HECW2: variants seen among roughly 807,000 people sequenced by gnomAD.
HECW2 encodes the protein E3 ubiquitin-protein ligase HECW2.
HECW2 carries 61 observed loss-of-function variants against 175.2 expected under a neutral mutation model. The observed-to-expected ratio is 0.35, with a 90% CI of 0.28 to 0.43. HECW2 has a LOEUF of 0.43. HECW2 is among the 20% of genes least tolerant of loss of function. HECW2 has a pLI of 1.00. For missense variants in HECW2, 1,524 were observed against 2,000.5 expected (o/e 0.76, Z 4.54); for synonymous variants, 671 against 731.0 (o/e 0.92, Z 1.32).
chr2:196,350,775 G>A (rs574116328), intron 2 of HECW2, among the ~76,000 whole-genome samples: 67 of 152,326 alleles, frequency 4.4e-4, no homozygotes, highest in African/African-American at 1.5e-3. Flanking sequence ...AATGCAATGC[G>A]AAAATTACTA....
rs546330787 is a variant in HECW2 at position 196,505,854 on chromosome 2, T to A, written c.-35-72396A>T. Among the ~76,000 whole-genome samples, 77 of 152,328 alleles carry A rather than the reference T, an allele frequency of 5.1e-4. 1 individual carries two copies. The South Asian group carries it at 8.3e-3, about 16-fold the overall frequency. On this transcript the variant is annotated intron_variant, in intron 1 of 28. Transcript: ENST00000644978. ...ATAGACCAAGCACTGGAGCTATCAA[T>A]GTCAAAACAGATGAAGTCCCCCCAA...
At chr2:196,498,634 C>G (rs1177000314) in intron 1 of HECW2, among the ~76,000 whole-genome samples, 2 of 152,132 alleles carry the variant, frequency 1.3e-5, no homozygotes, top group African/African-American at 4.8e-5. Flanking sequence ...CCCCTCCTTG[C>G]TAGGGAACTG....
chr2:196,371,260 G>A (rs1559072712), intron 2 of HECW2, among the ~76,000 whole-genome samples: 1 of 152,036 alleles, frequency 6.6e-6, no homozygotes, highest in African/African-American at 2.4e-5. Context: ...TGTCATTTTT[G>A]ATTTTGCATA....
chr2:196,330,181 T>C (rs928057715), intron 4 of HECW2, among the ~76,000 whole-genome samples: 2 of 152,232 alleles, frequency 1.3e-5, no homozygotes, highest in Non-Finnish European at 2.9e-5. Flanking sequence ...GCTACTATAA[T>C]TAGCAATAAT....
intron 16 of HECW2, among the ~76,000 whole-genome samples, chr2:196,271,843 C>G (rs1471597563): frequency 6.6e-6 from 1 of 152,196 alleles, no homozygotes; most frequent in African/African-American, 2.4e-5. Context: ...ACTGTGCCCA[C>G]CACTATAGGT....
intron 1 of HECW2, among the ~76,000 whole-genome samples, chr2:196,571,278 T>C (rs1690375609): frequency 6.6e-6 from 1 of 152,198 alleles, no homozygotes; most frequent in Admixed American, 6.5e-5. Flanking sequence ...TTTATCACTT[T>C]AAACACAAGA....
intron 1 of HECW2, among the ~76,000 whole-genome samples, chr2:196,536,588 C>T (rs375887808): frequency 6.6e-6 from 1 of 152,194 alleles, no homozygotes; most frequent in East Asian, 1.9e-4. Flanking sequence ...CCGATAACCA[C>T]TAGAGTCTGC....
chr2:196,513,730 C>T (rs1450774456), intron 1 of HECW2, among the ~76,000 whole-genome samples: 1 of 152,196 alleles, frequency 6.6e-6, no homozygotes, highest in Non-Finnish European at 1.5e-5. Context: ...ATATAAGTCA[C>T]ATGTGAAGAG....
chr2:196,590,094 T>C (rs1691130884), intron 1 of HECW2, among the ~76,000 whole-genome samples: 2 of 152,174 alleles, frequency 1.3e-5, no homozygotes, highest in Admixed American at 6.6e-5. Context: ...CAAAATCTGG[T>C]GTCGGAAGAG....
At chr2:196,211,178 GTCCCA>G (rs1420888564) in intron 28 of HECW2, among the ~76,000 whole-genome samples, 1 of 151,996 alleles carries the variant, frequency 6.6e-6, no homozygotes, top group Non-Finnish European at 1.5e-5. Context: ...CAGGTCCTCC[GTCCCA>G]TCACCCAACT....
At chr2:196,312,075 C>T (rs1459842001) in intron 10 of HECW2, among the ~76,000 whole-genome samples, 1 of 152,136 alleles carries the variant, frequency 6.6e-6, no homozygotes, top group African/African-American at 2.4e-5. Context: ...AGGGTTGTTT[C>T]TGTGATCCCT....
chr2:196,528,091 G>A (rs1688729475), intron 1 of HECW2, among the ~76,000 whole-genome samples: 1 of 152,144 alleles, frequency 6.6e-6, no homozygotes, highest in Admixed American at 6.5e-5. Context: ...TGATGGAGGT[G>A]ATAGCAACTG....
intron 2 of HECW2, chr2:196,361,726 G>T: frequency 1.1e-6 from 1 of 877,554 alleles, no homozygotes; most frequent in Non-Finnish European, 1.4e-6. Context: ...AAAGTGAAAG[G>T]CAGAGAAAAC....
chr2:196,360,011 G>A (rs1484548366), intron 2 of HECW2, among the ~76,000 whole-genome samples: 1 of 152,134 alleles, frequency 6.6e-6, no homozygotes, highest in African/African-American at 2.4e-5. Flanking sequence ...TGCTGAGGCA[G>A]GAGGATTGCT....
At chr2:196,425,538 G>A (rs1695519994) in intron 2 of HECW2, among the ~76,000 whole-genome samples, 1 of 152,174 alleles carries the variant, frequency 6.6e-6, no homozygotes, top group African/African-American at 2.4e-5. Context: ...TCTGGAAGAA[G>A]TTGATTCCAA....
chr2:196,507,183 A>ACTAATACGTGTATATTACACACACG (rs1223525834), intron 1 of HECW2, among the ~76,000 whole-genome samples: 1 of 152,146 alleles, frequency 6.6e-6, no homozygotes, highest in Non-Finnish European at 1.5e-5. Flanking sequence ...TATTACACAC[A>ACTAATACGTGTATATTACACACACG]CTAATATGTG....
At chr2:196,264,632 G>A (rs139723678) in intron 17 of HECW2, among the ~76,000 whole-genome samples, 1 of 152,216 alleles carries the variant, frequency 6.6e-6, no homozygotes, top group East Asian at 1.9e-4. Context: ...ACTAATTTTG[G>A]CTATTGGAGT....
At chr2:196,352,496 G>C (rs933395443) in intron 2 of HECW2, among the ~76,000 whole-genome samples, 10 of 152,214 alleles carry the variant, frequency 6.6e-5, no homozygotes, top group African/African-American at 1.9e-4. Flanking sequence ...AGAGTGGAGA[G>C]GCACAGGGCA....
chr2:196,436,854 T>C (rs767536905), intron 1 of HECW2, among the ~76,000 whole-genome samples: 1 of 151,990 alleles, frequency 6.6e-6, no homozygotes, highest in Non-Finnish European at 1.5e-5. Flanking sequence ...TATGAGATAA[T>C]TCAAGCTGGT....
Sources: allele counts gnomAD v4.1 joint callset (sites outside exome capture counted in the v4.1 genomes callset), GRCh38; gene constraint gnomAD v4.1.1; transcripts MANE v1.5; gene names NCBI Gene and HGNC (gene_info 2026-07-23, HGNC 2026-07-21).